The following IL16 variants were observed in gnomAD, a reference collection of about 807,000 sequenced individuals.
IL16 encodes pro-interleukin-16.
In IL16, 67 loss-of-function variants were observed where a neutral mutation model predicts 110.1. The observed-to-expected ratio is 0.61, with a 90% confidence interval of 0.50 to 0.75. The LOEUF (loss-of-function observed/expected upper bound fraction) is 0.75, where lower values mean the gene tolerates loss of function less well. IL16 is among the 30% of genes least tolerant of loss of function. The probability of loss-of-function intolerance (pLI) is 0.00; values close to 1 mark genes in which losing one functional copy is unlikely to be tolerated. For missense variants in IL16, 1,545 were observed against 1,655.0 expected, an observed-to-expected ratio of 0.93 and a Z score of 1.15; for synonymous variants, 689 against 662.9, an observed-to-expected ratio of 1.04 and a Z score of -0.61.
chr15:81,197,025 G>A lies in IL16; in HGVS notation c.-229G>A. On this transcript the variant is annotated 5_prime_UTR_variant, in exon 1 of 19. Transcript: ENST00000683961. ...CCATTTCTCAATCCTTGCCGGCTCT[G>A]ACCCAGGCCTGGGCCACAGGCTGTC... The A allele has an allele frequency of 7.8e-7, 1 of 1,288,086 alleles. No homozygotes were observed. Among genetic ancestry groups the A allele is most frequent in the Non-Finnish European group, 1.0e-6 (1 of 988,334 alleles). 79.8% of individuals were successfully genotyped at this position (1,288,086 alleles called of 1,614,324 possible).
At chr15:81,250,300 G>T (rs1175411464) in intron 2 of IL16, among the ~76,000 whole-genome samples, 1 of 152,078 alleles carries the variant, frequency 6.6e-6, no homozygotes, top group African/African-American at 2.4e-5. Context: ...CTCACGAGTA[G>T]CTGGGATTAC....
chr15:81,205,298 T>A, intron 1 of IL16, among the ~76,000 whole-genome samples: 1 of 128,584 alleles, frequency 7.8e-6, no homozygotes. Flanking sequence ...AGAGCAAGAC[T>A]CCATCTCAAA....
intron 6 of IL16, among the ~76,000 whole-genome samples, chr15:81,276,802 C>G (rs1898931218): frequency 6.6e-6 from 1 of 152,030 alleles, no homozygotes; most frequent in Admixed American, 6.6e-5. Flanking sequence ...GTATGGGAAT[C>G]CCATAGAAAA....
intron 10 of IL16, among the ~76,000 whole-genome samples, 158 bp from the exon 11 acceptor site, chr15:81,290,295 G>A (rs922670310): frequency 2.0e-5 from 3 of 152,160 alleles, no homozygotes; most frequent in African/African-American, 4.8e-5. Context: ...ATTGATTCCC[G>A]GGGTATTTCT....
intron 1 of IL16, among the ~76,000 whole-genome samples, chr15:81,216,332 G>A (rs975601890): frequency 7.2e-5 from 11 of 152,172 alleles, no homozygotes; most frequent in African/African-American, 1.4e-4. Context: ...CAAGAGTGAG[G>A]CATCCTTCAG....
At chr15:81,210,686 A>G (rs1296704820) in intron 1 of IL16, among the ~76,000 whole-genome samples, 2 of 152,184 alleles carry the variant, frequency 1.3e-5, no homozygotes, top group Admixed American at 6.5e-5. Context: ...ATTTTTGTAC[A>G]TTGATTTTGT....
At chr15:81,213,843 C>G (rs749453063) in intron 1 of IL16, among the ~76,000 whole-genome samples, 1 of 152,050 alleles carries the variant, frequency 6.6e-6, no homozygotes, top group Non-Finnish European at 1.5e-5. Context: ...CCCTCTGTGC[C>G]TTTTAAGTGG....
intron 11 of IL16, 145 bp downstream of exon 11, chr15:81,290,685 A>G (rs915469431): frequency 6.0e-6 from 3 of 500,802 alleles, no homozygotes; most frequent in Non-Finnish European, 1.1e-5. Flanking sequence ...GCTGAAAACT[A>G]GCAGCCCACC....
chr15:81,308,207 G>A (rs991557928), intron 18 of IL16, among the ~76,000 whole-genome samples: 5 of 152,192 alleles, frequency 3.3e-5, no homozygotes, highest in Non-Finnish European at 7.3e-5. Context: ...CAATGCTGAT[G>A]TCCTCACCAC....
At chr15:81,191,648 G>A (rs998963696) in intron 1 of IL16, among the ~76,000 whole-genome samples, 3 of 152,178 alleles carry the variant, frequency 2.0e-5, no homozygotes, top group African/African-American at 7.2e-5. Context: ...ATAAAATAAG[G>A]AGAGGTAACG....
intron 9 of IL16, among the ~76,000 whole-genome samples, chr15:81,283,122 G>A (rs536824940): frequency 2.3e-4 from 35 of 152,350 alleles, no homozygotes; most frequent in African/African-American, 7.9e-4. Flanking sequence ...AGAGCCAGGT[G>A]TGGGTCCTGC....
rs191043546 is a variant in IL16 at position 81,281,892 on chromosome 15, A to T, written c.1082-747A>T. Among the ~76,000 whole-genome samples the T allele has an allele frequency of 9.1e-4, 139 of 152,314 alleles. 1 individual carries two copies. The Middle Eastern group carries it at 0.01, about 11-fold the overall frequency. ...CTGTTTCTCTCAACAGAGGCCTCTT[A>T]GCTGGTCTTCTTGCTTCCATTCTCC... On this transcript the variant is annotated intron_variant, in intron 8 of 18. Transcript: ENST00000683961.
intron 2 of IL16, among the ~76,000 whole-genome samples, chr15:81,245,124 C>T (rs1897491693): frequency 6.6e-6 from 1 of 152,068 alleles, no homozygotes; most frequent in Non-Finnish European, 1.5e-5. Flanking sequence ...TCAAATATTT[C>T]TATATTTTCT....
intron 1 of IL16, chr15:81,188,416 C>T (rs762327580): frequency 8.8e-5 from 40 of 456,104 alleles, no homozygotes; most frequent in South Asian, 4.8e-4. Flanking sequence ...ACGTGTTGAA[C>T]GTCCACTGTA....
upstream of IL16, among the ~76,000 whole-genome samples, chr15:81,194,004 C>T (rs536974763): frequency 5.9e-5 from 9 of 152,228 alleles, no homozygotes; most frequent in East Asian, 1.5e-3. Flanking sequence ...AAAATTGTTA[C>T]ATTACTAGTT....
rs781262096 is a variant in IL16 at position 81,273,175 on chromosome 15, C to A, written c.761C>A (p.Ala254Glu). The A allele has an allele frequency of 5.0e-5, 81 of 1,612,334 alleles. No homozygotes were observed. The highest frequency in any genetic ancestry group is 6.5e-5 in the Non-Finnish European group (77 of 1,178,846). ...GTCAAAACCATTTTTGCAGGGGGAG[C>A]AGCAGCAGCCGATGGAAGGCTACAG... ...IYVKTIFAGG[A>E]AAADGRLQEG... The change falls in exon 6 of 19, where the codon GCA becomes GAA. Residue 254 changes from alanine (A) to glutamate (E), a missense_variant. Around this residue, in one of 3 missense-constraint regions of IL16, gnomAD observed 1,185 missense variants for 1,238.8 expected, o/e 0.96. Coordinates refer to ENST00000683961, the MANE Select transcript of IL16 (RefSeq NM_172217.5).
chr15:81,206,628 G>A (rs1232642471), intron 1 of IL16, among the ~76,000 whole-genome samples: 1 of 152,066 alleles, frequency 6.6e-6, no homozygotes, highest in Non-Finnish European at 1.5e-5. Context: ...CCTGTGGCAC[G>A]ATGCAATTAA....
chr15:81,274,628 T>C (rs67476632), intron 6 of IL16, among the ~76,000 whole-genome samples: 40,174 of 152,186 alleles, frequency 0.26, 6,204 homozygotes, highest in African/African-American at 0.43. Flanking sequence ...TTGCTTGGTG[T>C]AATGTTGAAT....
rs1342070502 is a variant in IL16 at position 81,312,334 on chromosome 15, T to G, written c.*3536T>G. On this transcript the variant is annotated 3_prime_UTR_variant, in exon 19 of 19. Transcript: ENST00000683961. ...TAGAGGGGGGATTTCCAGCCAGGGC[T>G]GCTAGACGGAGGCCTACTCTTCCAT... 1 of 152,288 alleles carries G rather than the reference T, an allele frequency of 6.6e-6. No homozygotes were observed. The highest frequency in any genetic ancestry group is 2.4e-5 in the African/African-American group (1 of 41,466). The allele number at this position is 152,288 out of a possible 1,614,324, so 9.4% of individuals were successfully genotyped here.
Sources: gnomAD v4.1 joint callset for allele counts (sites outside exome capture counted in the v4.1 genomes callset) on GRCh38, gnomAD v4.1.1 for gene constraint, gnomAD v4.1.1 regional missense constraint, MANE v1.5 for transcripts, NCBI Gene and HGNC (gene_info 2026-07-23, HGNC 2026-07-21) for gene names.